Variants in RAB27B observed in about 807,000 individuals in gnomAD.
RAB27B encodes the protein RAB27B, member RAS oncogene family, also known as ras-related protein Rab-27B.
RAB27B carries 15 observed loss-of-function variants against 24.6 expected under a neutral mutation model. The observed-to-expected ratio is 0.61, with a 90% CI of 0.41 to 0.94. The LOEUF (loss-of-function observed/expected upper bound fraction) is 0.94. Among genes scored for constraint, RAB27B ranks in the 40% least tolerant of loss-of-function variants. The pLI, the probability that RAB27B is intolerant of heterozygous loss-of-function variation, is 0.00. For missense variants in RAB27B, 261 were observed against 266.8 expected, an observed-to-expected ratio of 0.98 and a Z score of 0.15; for synonymous variants, 105 against 92.5, an observed-to-expected ratio of 1.14 and a Z score of -0.78.
intron 2 of RAB27B, among the ~76,000 whole-genome samples, chr18:54,795,973 G>A (rs1208950893): frequency 6.6e-6 from 1 of 152,130 alleles, no homozygotes; most frequent in Non-Finnish European, 1.5e-5. Flanking sequence ...ATACACCCGT[G>A]AAGCCATCAC....
At chr18:54,848,697 A>G (rs541015954) in intron 1 of RAB27B, among the ~76,000 whole-genome samples, 2 of 152,364 alleles carry the variant, frequency 1.3e-5, no homozygotes, top group African/African-American at 4.8e-5. Flanking sequence ...ACCTTACCAG[A>G]ATATAATGCA....
intron 2 of RAB27B, among the ~76,000 whole-genome samples, chr18:54,797,426 G>A (rs962388334): frequency 6.6e-6 from 1 of 152,110 alleles, no homozygotes; most frequent in South Asian, 2.1e-4. Context: ...CTCTGGGGCT[G>A]AATTGCTTGA....
chr18:54,724,969 TG>T (rs1909483971), intron 2 of RAB27B, among the ~76,000 whole-genome samples: 1 of 151,524 alleles, frequency 6.6e-6, no homozygotes, highest in South Asian at 2.1e-4. Context: ...GAATGAGACT[TG>T]TACTTTAGGG....
intron 2 of RAB27B, among the ~76,000 whole-genome samples, chr18:54,820,696 C>G (rs964097990): frequency 9.9e-5 from 15 of 152,250 alleles, no homozygotes; most frequent in African/African-American, 3.1e-4. Context: ...TTGCCCATGC[C>G]TATGTCCTGA....
intron 2 of RAB27B, among the ~76,000 whole-genome samples, chr18:54,768,936 G>A (rs1021296654): frequency 6.6e-6 from 1 of 152,166 alleles, no homozygotes; most frequent in Admixed American, 6.5e-5. Context: ...TTCGAGGTGA[G>A]GGTTGGGTGG....
At chr18:54,877,143 C>G (rs1318893125) in intron 1 of RAB27B, among the ~76,000 whole-genome samples, 3 of 152,084 alleles carry the variant, frequency 2.0e-5, no homozygotes, top group Non-Finnish European at 4.4e-5. Context: ...AAGGGGCTTA[C>G]CCCTTTGCTG....
intron 2 of RAB27B, among the ~76,000 whole-genome samples, chr18:54,728,359 C>G (rs57062911): frequency 1.7e-3 from 264 of 152,236 alleles, no homozygotes; most frequent in African/African-American, 6.3e-3. Flanking sequence ...TTTTTGTTAT[C>G]TTTTACTCTT....
chr18:54,827,580 T>C (rs1910516561), upstream of RAB27B, among the ~76,000 whole-genome samples: 1 of 152,210 alleles, frequency 6.6e-6, no homozygotes, highest in Non-Finnish European at 1.5e-5. Flanking sequence ...ATAACAGCAG[T>C]GCCTCCCAGA....
intron 2 of RAB27B, among the ~76,000 whole-genome samples, chr18:54,792,139 A>T (rs958960996): frequency 6.6e-6 from 1 of 152,164 alleles, no homozygotes; most frequent in Non-Finnish European, 1.5e-5. Flanking sequence ...CAGCAAACTA[A>T]GAGACCCTGT....
At position 54,886,428 on chromosome 18, in the gene RAB27B, A is replaced by G. The variant is rs149193324; in HGVS notation, c.344-1567A>G. ...TTCTTATCACTACATATTATGCAAA[A>G]TTGATAATGTATTTTGTATATAATT... On this transcript the variant is annotated intron_variant, in intron 4 of 5. Coordinates refer to ENST00000262094, the MANE Select transcript of RAB27B (RefSeq NM_004163.4). 1.5e-3 allele frequency among the ~76,000 whole-genome samples: 233 copies of G among 152,238 alleles called. 1 individual carries two copies. Among genetic ancestry groups the G allele is most frequent in the African/African-American group, 5.5e-3 (227 of 41,546 alleles).
At chr18:54,851,246 G>C (rs1260279449) in intron 1 of RAB27B, among the ~76,000 whole-genome samples, 9 of 151,902 alleles carry the variant, frequency 5.9e-5, no homozygotes, top group Non-Finnish European at 1.0e-4. Context: ...TTGATTTTTA[G>C]CTCCTGTTAG....
intron 1 of RAB27B, among the ~76,000 whole-genome samples, chr18:54,841,848 T>C (rs182834276): frequency 6.6e-6 from 1 of 152,338 alleles, no homozygotes; most frequent in African/African-American, 2.4e-5. Context: ...AAGACACCAA[T>C]ATACTATTCA....
intron 2 of RAB27B, among the ~76,000 whole-genome samples, chr18:54,820,350 T>A (rs1419565388): frequency 3.3e-5 from 5 of 152,220 alleles, no homozygotes; most frequent in Non-Finnish European, 7.3e-5. Flanking sequence ...TGGTTTTGAT[T>A]TGCATTTCTC....
At chr18:54,762,039 A>C in intron 2 of RAB27B, among the ~76,000 whole-genome samples, 1 of 152,212 alleles carries the variant, frequency 6.6e-6, no homozygotes, top group East Asian at 1.9e-4. Context: ...GCAAAGAAGG[A>C]GATGTGAAGA....
chr18:54,737,752 A>T (rs1009774845), intron 2 of RAB27B, among the ~76,000 whole-genome samples: 1 of 152,180 alleles, frequency 6.6e-6, no homozygotes, highest in Non-Finnish European at 1.5e-5. Flanking sequence ...AAATAAATGA[A>T]TTTTTCACTT....
rs372321738 is a variant in RAB27B at position 54,756,407 on chromosome 18, C to T, written c.-20+38266C>T. 1.1e-3 allele frequency among the ~76,000 whole-genome samples: 161 copies of T among 152,242 alleles called. 4 individuals are homozygous for T. In the South Asian group the frequency reaches 0.029, roughly 27 times the overall value. The stretch of plus-strand genomic sequence containing the variant: ...ATTTAAAGAGCTCAACATTGATATC[C>T]TGACTATAGGTTCGATTCTTCCTGC... On this transcript the variant is annotated intron_variant, in intron 2 of 4. Coordinates refer to the RAB27B transcript ENST00000586570.
At chr18:54,864,470 G>C (rs1912131151) in intron 1 of RAB27B, among the ~76,000 whole-genome samples, 1 of 151,360 alleles carries the variant, frequency 6.6e-6, no homozygotes, top group African/African-American at 2.4e-5. Flanking sequence ...TTTTTTCATG[G>C]TGTCTATTGA....
chr18:54,744,460 G>C (rs1035853412), intron 2 of RAB27B, among the ~76,000 whole-genome samples: 1 of 152,174 alleles, frequency 6.6e-6, no homozygotes, highest in South Asian at 2.1e-4. Flanking sequence ...AGAATATAGA[G>C]AGGGTCAGGC....
chr18:54,884,885 G>A (rs1372850542), intron 4 of RAB27B, among the ~76,000 whole-genome samples: 1 of 152,144 alleles, frequency 6.6e-6, no homozygotes, highest in Non-Finnish European at 1.5e-5. Context: ...AATTAGGTGT[G>A]AAACCAGAGC....
Sources: gnomAD v4.1 joint callset for allele counts (sites outside exome capture counted in the v4.1 genomes callset) on GRCh38, gnomAD v4.1.1 for gene constraint, MANE v1.5 for transcripts, NCBI Gene and HGNC (gene_info 2026-07-23, HGNC 2026-07-21) for gene names.